The following DACH2 variants were observed in gnomAD, a reference collection of about 807,000 sequenced individuals.
DACH2 encodes the protein dachshund homolog 2.
Under a neutral mutation model 35.8 loss-of-function variants are expected in DACH2, and 17 were observed. That is an observed-to-expected ratio of 0.48 (90% confidence interval 0.33 to 0.71). DACH2 has a LOEUF of 0.71. Ranked by LOEUF, DACH2 falls within the 30% of genes least tolerant of loss-of-function variation. The probability of loss-of-function intolerance (pLI) is 0.02; values close to 1 mark genes in which losing one functional copy is unlikely to be tolerated. For synonymous variants in DACH2, 195 were observed against 177.3 expected, an observed-to-expected ratio of 1.10 and a Z score of -0.79; for missense variants, 469 against 472.7, an observed-to-expected ratio of 0.99 and a Z score of 0.07.
chrX:86,784,097 A>G (rs1337907808), intron 7 of DACH2, among the ~76,000 whole-genome samples: 8 of 110,146 alleles, frequency 7.3e-5, no homozygotes, highest in African/African-American at 2.6e-4. Flanking sequence ...CATCCCATGT[A>G]CCCCACAAAT....
Position 86,755,952 on chromosome X carries a change from A to G in DACH2, c.1240+16070A>G, listed in dbSNP as rs531711895. Among the ~76,000 whole-genome samples the G allele has an allele frequency of 3.6e-5, 4 of 110,479 alleles. No homozygotes were observed. In the South Asian group the frequency reaches 1.2e-3, roughly 32 times the overall value. ...TGGGCCTGGTTCCTTTCTCCTTCAT[A>G]AGGATATCCTATTTTCCCAGCACCA... On this transcript the variant is annotated intron_variant, in intron 7 of 11. Transcript: ENST00000373125.
rs756066948 is a variant in DACH2 at position 86,533,245 on chromosome X, G to A, written c.640+18854G>A. 2.7e-5 allele frequency among the ~76,000 whole-genome samples: 3 copies of A among 111,081 alleles called. No individual in the cohort carries two copies. The South Asian group carries it at 1.1e-3, about 42-fold the overall frequency. On this transcript the variant is annotated intron_variant, in intron 3 of 11. Coordinates refer to ENST00000373125, the MANE Select transcript of DACH2 (RefSeq NM_053281.3). ...TTTTGTGTTGGTTTTTAGAGGTTTA[G>A]TCTCACTGTGTTGCCAAGGCTGGTC...
intron 1 of DACH2, among the ~76,000 whole-genome samples, chrX:86,318,461 G>A (rs2034954526): frequency 9.0e-6 from 1 of 111,363 alleles, no homozygotes; most frequent in Non-Finnish European, 1.9e-5. Context: ...GTCTGTAAAT[G>A]ACAAAATGTC....
At chrX:86,778,769 C>T (rs1287552337) in intron 7 of DACH2, among the ~76,000 whole-genome samples, 1 of 110,435 alleles carries the variant, frequency 9.1e-6, no homozygotes, top group Non-Finnish European at 1.9e-5. Flanking sequence ...TGCCACTGCA[C>T]CCAACTAATT....
chrX:86,161,445 T>C (rs947143645), intron 1 of DACH2: 1 of 450,184 alleles, frequency 2.2e-6, no homozygotes, highest in Non-Finnish European at 3.5e-6. Context: ...CACCTTCCTG[T>C]GTTCAGAACC....
At chrX:86,658,620 G>C (rs1217197889) in intron 4 of DACH2, among the ~76,000 whole-genome samples, 1 of 111,441 alleles carries the variant, frequency 9.0e-6, no homozygotes, top group East Asian at 2.8e-4. Flanking sequence ...TAGGAAATTA[G>C]TCTGTGTACT....
chrX:86,586,150 T>C (rs1264183946), intron 3 of DACH2, among the ~76,000 whole-genome samples: 1 of 111,855 alleles, frequency 8.9e-6, no homozygotes, highest in East Asian at 2.8e-4. Flanking sequence ...GATTTACATT[T>C]CTGTGATGAT....
At position 86,599,433 on chromosome X, in the gene DACH2, CCTCT is replaced by C. The variant is rs764668054; in HGVS notation, c.641-51598_641-51595del. Among the ~76,000 whole-genome samples the C allele has an allele frequency of 1.4e-3, 148 of 104,544 alleles. 1 individual carries two copies. The South Asian group carries it at 0.022, about 16-fold the overall frequency. 90.8% of individuals were successfully genotyped at this position (104,544 alleles called of 115,157 possible). On this transcript the variant is annotated intron_variant, in intron 3 of 11. Coordinates refer to ENST00000373125, the MANE Select transcript of DACH2 (RefSeq NM_053281.3). ...TTTCTTTTTCTTTTTTCTTTCTCTT[CCTCT>C]CTCTTTCTTTCCCTTCCTTCCTTCC...
chrX:86,477,334 GAGTGCATATATATATATATATATATATAT>G, intron 2 of DACH2, among the ~76,000 whole-genome samples: 2 of 55,814 alleles, frequency 3.6e-5, no homozygotes, highest in Non-Finnish European at 6.7e-5. Context: ...CTTCAGTGTT[GAGTGCATATATATATATATATATATATAT>G]ATATATAATT....
intron 1 of DACH2, among the ~76,000 whole-genome samples, chrX:86,179,541 G>T (rs901912760): frequency 8.9e-6 from 1 of 111,872 alleles, no homozygotes; most frequent in Non-Finnish European, 1.9e-5. Context: ...GAAGAGGTGG[G>T]AAGGCTAATA....
chrX:86,452,869 C>A (rs959891512), intron 2 of DACH2, among the ~76,000 whole-genome samples: 9 of 110,850 alleles, frequency 8.1e-5, no homozygotes, highest in African/African-American at 2.6e-4. Context: ...GCTTTTGGGT[C>A]TGTTTGCTCT....
chrX:86,176,541 C>T (rs1202749231), intron 1 of DACH2, among the ~76,000 whole-genome samples: 2 of 110,861 alleles, frequency 1.8e-5, no homozygotes, highest in Non-Finnish European at 3.8e-5. Context: ...AAATTTTGTA[C>T]TATATATAAT....
intron 4 of DACH2, among the ~76,000 whole-genome samples, chrX:86,669,689 ATAAAT>A (rs1232248470): frequency 2.7e-5 from 3 of 111,626 alleles, no homozygotes; most frequent in Admixed American, 9.6e-5. Flanking sequence ...CTCATTGTAA[ATAAAT>A]TAAATTGAGA....
chrX:86,196,468 G>A (rs995311846), intron 1 of DACH2, among the ~76,000 whole-genome samples: 1 of 108,869 alleles, frequency 9.2e-6, no homozygotes, highest in Admixed American at 9.9e-5. Context: ...TGAAGCGGGT[G>A]GATCATGAGG....
chrX:86,794,554 A>G (rs2042217055), intron 7 of DACH2, among the ~76,000 whole-genome samples: 1 of 110,558 alleles, frequency 9.0e-6, no homozygotes, highest in South Asian at 3.8e-4. Context: ...TTGAAAAGCA[A>G]ATAAAAAATA....
chrX:86,599,074 A>G (rs932844391), intron 3 of DACH2, among the ~76,000 whole-genome samples: 11 of 110,850 alleles, frequency 9.9e-5, no homozygotes, highest in South Asian at 3.8e-4. Context: ...TGTCCTTGCA[A>G]TAGTTTGCTG....
At chrX:86,626,263 T>G (rs2040136044) in intron 3 of DACH2, among the ~76,000 whole-genome samples, 1 of 112,568 alleles carries the variant, frequency 8.9e-6, no homozygotes, top group Non-Finnish European at 1.9e-5. Context: ...TTAAATGATC[T>G]CCTTTGACTT....
At chrX:86,287,572 G>GT (rs1212068085) in intron 1 of DACH2, among the ~76,000 whole-genome samples, 2 of 111,160 alleles carry the variant, frequency 1.8e-5, no homozygotes, top group Non-Finnish European at 3.8e-5. Flanking sequence ...GTGCTTCGTT[G>GT]TTTTTGTCTT....
At chrX:86,327,304 C>A (rs2035133649) in intron 1 of DACH2, among the ~76,000 whole-genome samples, 1 of 111,816 alleles carries the variant, frequency 8.9e-6, no homozygotes, top group South Asian at 3.7e-4. Flanking sequence ...CTCCTTTTAT[C>A]ATTACTTGCA....
Sources: gnomAD v4.1 joint callset for allele counts (sites outside exome capture counted in the v4.1 genomes callset) on GRCh38, gnomAD v4.1.1 for gene constraint, MANE v1.5 for transcripts, NCBI Gene and HGNC (gene_info 2026-07-23, HGNC 2026-07-21) for gene names.